The following SLC44A1 variants were observed in gnomAD, a reference collection of about 807,000 sequenced individuals.
SLC44A1 encodes the protein choline transporter-like protein 1.
In SLC44A1, 26 loss-of-function variants were observed where a neutral mutation model predicts 79.3. That is an observed-to-expected ratio of 0.33 (90% CI 0.24 to 0.46). The LOEUF is 0.46. Among genes scored for constraint, SLC44A1 ranks in the 20% least tolerant of loss-of-function variants. The probability of loss-of-function intolerance (pLI) is 1.00; values close to 1 mark genes in which losing one functional copy is unlikely to be tolerated. For synonymous variants in SLC44A1, 263 were observed against 286.2 expected (o/e 0.92, Z 0.82); for missense variants, 688 against 798.1 (o/e 0.86, Z 1.66).
intron 1 of SLC44A1, among the ~76,000 whole-genome samples, chr9:105,254,742 G>A (rs1287654740): frequency 6.6e-6 from 1 of 152,104 alleles, no homozygotes; most frequent in Admixed American, 6.6e-5. Context: ...TTCCCATTCT[G>A]AGCTAAGGAC....
chr9:105,261,090 G>A (rs751875448), intron 1 of SLC44A1, among the ~76,000 whole-genome samples: 2 of 152,116 alleles, frequency 1.3e-5, no homozygotes, highest in Non-Finnish European at 2.9e-5. Context: ...ACTAGCTGCC[G>A]TTCAAACTGT....
intron 15 of SLC44A1, among the ~76,000 whole-genome samples, chr9:105,405,517 G>A (rs1388019215): frequency 6.6e-6 from 1 of 152,114 alleles, no homozygotes; most frequent in Non-Finnish European, 1.5e-5. Flanking sequence ...TAAGAGCATT[G>A]AGGCATGTTA....
At chr9:105,371,414 C>A in intron 12 of SLC44A1, among the ~76,000 whole-genome samples, 1 of 152,276 alleles carries the variant, frequency 6.6e-6, no homozygotes. Flanking sequence ...AGTTATGTGC[C>A]AGTAAAACTT....
chr9:105,400,401 A>C (rs771540704), downstream of SLC44A1, among the ~76,000 whole-genome samples: 1 of 152,100 alleles, frequency 6.6e-6, no homozygotes, highest in Non-Finnish European at 1.5e-5. Flanking sequence ...AGGCAGGAGA[A>C]TCGCTTGAAC....
At position 105,375,913 on chromosome 9, in the gene SLC44A1, G is replaced by A. The variant is rs189117079; in HGVS notation, c.1632+1178G>A. ...ATAATTCTTCCCATTTTTTTTTATC[G>A]GCTTGTATTTCTATAGTATAACAAT... On this transcript the variant is annotated intron_variant, in intron 13 of 15. Transcript: ENST00000374720. Among the ~76,000 whole-genome samples the A allele has an allele frequency of 1.3e-3, 201 of 150,292 alleles. 2 individuals are homozygous for A. In the East Asian group the frequency reaches 0.032, roughly 24 times the overall value.
At chr9:105,271,043 T>C (rs567605378) in intron 1 of SLC44A1, among the ~76,000 whole-genome samples, 1 of 152,352 alleles carries the variant, frequency 6.6e-6, no homozygotes, top group African/African-American at 2.4e-5. Context: ...ATGCCATCTA[T>C]GTAATCAGTG....
intron 1 of SLC44A1, among the ~76,000 whole-genome samples, chr9:105,257,082 G>C (rs2034228029): frequency 6.6e-6 from 1 of 150,910 alleles, no homozygotes; most frequent in African/African-American, 2.4e-5. Context: ...CACTGCGCCC[G>C]GCCTTTTTTT....
At position 105,385,472 on chromosome 9, in the gene SLC44A1, C is replaced by T. The variant is rs143812740; in HGVS notation, c.1920C>T (p.Gly640=). 55 of 1,584,072 alleles carry T rather than the reference C, an allele frequency of 3.5e-5. No homozygotes were observed. The African/African-American group carries it at 6.6e-4, about 19-fold the overall frequency. ...CAATGAAAGAAGCTGGTAAGGGAGG[C>T]GTCGCTGATTCCAGAGAGCTAAAGC... ...RKAMKEAGKG[G]VADSRELKPM... Residue 640 remains glycine (G), a synonymous_variant, in exon 15 of 16, where the codon GGC becomes GGT. Transcript: ENST00000374720.
intron 12 of SLC44A1, among the ~76,000 whole-genome samples, chr9:105,368,062 G>T (rs1357371105): frequency 1.3e-5 from 2 of 152,168 alleles, no homozygotes; most frequent in Non-Finnish European, 2.9e-5. Flanking sequence ...AAGGAGATGT[G>T]CAGTTATACT....
At chr9:105,385,615 C>T (rs1386555817) in intron 15 of SLC44A1, 113 bp downstream of exon 15, 42 of 1,492,812 alleles carry the variant, frequency 2.8e-5, no homozygotes, top group South Asian at 2.7e-4. Flanking sequence ...ATCTGTATCA[C>T]GCAGGACATG....
intron 1 of SLC44A1, among the ~76,000 whole-genome samples, chr9:105,296,999 A>C (rs950268328): frequency 6.6e-6 from 1 of 152,194 alleles, no homozygotes; most frequent in Non-Finnish European, 1.5e-5. Context: ...AGCCAGGGAG[A>C]GAACCAGTCC....
At chr9:105,379,149 G>A (rs144323390) in intron 13 of SLC44A1, among the ~76,000 whole-genome samples, 129 of 152,262 alleles carry the variant, frequency 8.5e-4, no homozygotes, top group Non-Finnish European at 9.7e-4. Context: ...GGTGGGGTGC[G>A]TCTGTATTCC....
At chr9:105,256,004 G>A (rs1822097259) in intron 1 of SLC44A1, among the ~76,000 whole-genome samples, 1 of 152,030 alleles carries the variant, frequency 6.6e-6, no homozygotes, top group Non-Finnish European at 1.5e-5. Context: ...AAGGTACCCT[G>A]ACTTCCAAAA....
chr9:105,335,908 G>A (rs537819022), intron 4 of SLC44A1, among the ~76,000 whole-genome samples: 1 of 152,242 alleles, frequency 6.6e-6, no homozygotes, highest in African/African-American at 2.4e-5. Flanking sequence ...CTGACTGAGT[G>A]GGTCTTTGTG....
intron 1 of SLC44A1, among the ~76,000 whole-genome samples, chr9:105,260,468 G>T (rs1286174803): frequency 6.6e-6 from 1 of 152,128 alleles, no homozygotes; most frequent in Non-Finnish European, 1.5e-5. Context: ...CAACAATAAG[G>T]TTGTTGGATC....
chr9:105,293,533 C>A (rs139293590), intron 1 of SLC44A1, among the ~76,000 whole-genome samples: 1 of 152,256 alleles, frequency 6.6e-6, no homozygotes, highest in East Asian at 1.9e-4. Context: ...TCTTTTGATA[C>A]CTTCCTAATC....
At chr9:105,277,330 C>T (rs1830229828) in intron 1 of SLC44A1, among the ~76,000 whole-genome samples, 1 of 152,190 alleles carries the variant, frequency 6.6e-6, no homozygotes, top group African/African-American at 2.4e-5. Flanking sequence ...CAGAAATTTG[C>T]ACAACCCTCT....
At chr9:105,306,193 A>G (rs1170219253) in intron 2 of SLC44A1, among the ~76,000 whole-genome samples, 1 of 152,104 alleles carries the variant, frequency 6.6e-6, no homozygotes, top group Admixed American at 6.5e-5. Context: ...CTTTCTCTCT[A>G]AGATTGCTTC....
At chr9:105,256,301 C>T (rs1446633247) in intron 1 of SLC44A1, among the ~76,000 whole-genome samples, 1 of 152,114 alleles carries the variant, frequency 6.6e-6, no homozygotes, top group Non-Finnish European at 1.5e-5. Context: ...CATGAGCCAC[C>T]ACACCCAGCC....
Sources: gnomAD v4.1 joint callset for allele counts (sites outside exome capture counted in the v4.1 genomes callset) on GRCh38, gnomAD v4.1.1 for gene constraint, MANE v1.5 for transcripts, NCBI Gene and HGNC (gene_info 2026-07-23, HGNC 2026-07-21) for gene names.